Variants in SLC24A4 observed in about 807,000 individuals in gnomAD.
SLC24A4 encodes the protein sodium/potassium/calcium exchanger 4.
A neutral mutation model predicts 79.0 loss-of-function variants in SLC24A4; 53 were observed. The ratio of observed to expected loss-of-function variants is 0.67; its 90% CI spans 0.54 to 0.84. The LOEUF (loss-of-function observed/expected upper bound fraction) is 0.84, where lower values mean the gene tolerates loss of function less well. Ranked by LOEUF, SLC24A4 falls within the 40% of genes least tolerant of loss-of-function variation. The pLI is 0.00. For missense variants in SLC24A4, 731 were observed against 822.0 expected, an observed-to-expected ratio of 0.89 and a Z score of 1.35; for synonymous variants, 323 against 323.8, an observed-to-expected ratio of 1.00 and a Z score of 0.03.
intron 2 of SLC24A4, among the ~76,000 whole-genome samples, chr14:92,350,291 A>C (rs1328020580): frequency 3.3e-5 from 5 of 152,208 alleles, no homozygotes; most frequent in Admixed American, 1.3e-4. Flanking sequence ...TAGCCAGTCA[A>C]ATCCTATACA....
chr14:92,408,523 C>G, intron 2 of SLC24A4: 1 of 709,676 alleles, frequency 1.4e-6, no homozygotes. Context: ...GAAAACCTCC[C>G]GTGGATTGGA....
intron 2 of SLC24A4, among the ~76,000 whole-genome samples, chr14:92,350,879 T>C (rs1039107215): frequency 6.6e-6 from 1 of 152,144 alleles, no homozygotes; most frequent in Non-Finnish European, 1.5e-5. Context: ...GATTGGGTCA[T>C]GAAAGTGGGA....
At chr14:92,332,275 C>T (rs994558078) in intron 2 of SLC24A4, among the ~76,000 whole-genome samples, 6 of 152,068 alleles carry the variant, frequency 3.9e-5, no homozygotes, top group African/African-American at 1.4e-4. Flanking sequence ...GAGTGAGACT[C>T]CATCTCAAAA....
intron 2 of SLC24A4, among the ~76,000 whole-genome samples, chr14:92,329,590 A>G (rs1885351868): frequency 6.6e-6 from 1 of 151,988 alleles, no homozygotes; most frequent in East Asian, 1.9e-4. Flanking sequence ...TGGTGTGATT[A>G]TGTCTCATGG....
intron 7 of SLC24A4, 78 bp downstream of exon 7, chr14:92,443,552 CT>C (rs1373885723): frequency 1.0e-5 from 15 of 1,437,178 alleles, no homozygotes; most frequent in Non-Finnish European, 1.5e-5. Flanking sequence ...ATCTCTGCCC[CT>C]GGCACTGTGA....
intron 2 of SLC24A4, among the ~76,000 whole-genome samples, chr14:92,359,548 A>G (rs1198894602): frequency 6.6e-6 from 1 of 152,180 alleles, no homozygotes; most frequent in Non-Finnish European, 1.5e-5. Context: ...ACAGTGAGCC[A>G]AGATCGCACC....
Position 92,323,731 on chromosome 14 carries a change from G to C in SLC24A4, c.-100G>C, listed in dbSNP as rs999050956. On this transcript the variant is annotated 5_prime_UTR_variant, in exon 1 of 17. Transcript: ENST00000532405. This position sits in a 1 kb window ranked among gnomAD's most constrained non-coding sequence, Gnocchi z 4.9. ...CCGGAGCTCCTCGCCTCTGAGTCGC[G>C]CACCGCCTGCTCCAGCCCCAGCGCC... 2.2e-5 allele frequency: 32 copies of C among 1,424,168 alleles called. No individual in the cohort carries two copies. The East Asian group carries it at 7.9e-4, about 35-fold the overall frequency. The allele number at this position is 1,424,168 out of a possible 1,614,324, so 88.2% of individuals were successfully genotyped here.
intron 2 of SLC24A4, among the ~76,000 whole-genome samples, chr14:92,388,940 G>T (rs187703893): frequency 6.6e-6 from 1 of 152,052 alleles, no homozygotes; most frequent in Non-Finnish European, 1.5e-5. Flanking sequence ...CAGACTTTGC[G>T]TTGAGTTTGC....
At chr14:92,449,281 TACACACACACACACACAC>T (rs36228701) in intron 10 of SLC24A4, 65 bp downstream of exon 10, 219 of 869,752 alleles carry the variant, frequency 2.5e-4, no homozygotes, top group African/African-American at 4.6e-4. Flanking sequence ...CTCTTTTGTG[TACACACACACACACACAC>T]ACACACACAC....
intron 14 of SLC24A4, among the ~76,000 whole-genome samples, chr14:92,489,833 T>G (rs1300334268): frequency 2.0e-5 from 3 of 152,178 alleles, no homozygotes; most frequent in Non-Finnish European, 2.9e-5. Context: ...CTCAGGCACC[T>G]TCCTACCCTC....
Position 92,377,776 on chromosome 14 carries a change from C to A in SLC24A4, c.241+51798C>A, listed in dbSNP as rs146748754. On this transcript the variant is annotated intron_variant, in intron 2 of 16. Coordinates refer to ENST00000532405, the MANE Select transcript of SLC24A4 (RefSeq NM_153646.4). ...TGGGCAAAAGTGAGATGATGAGGGTCCAATGGCTGAAGCAACAGGGATGGA... is the reference window on the plus strand; with the variant it reads ...TGGGCAAAAGTGAGATGATGAGGGTACAATGGCTGAAGCAACAGGGATGGA... Among the ~76,000 whole-genome samples, 399 of 151,970 alleles carry A rather than the reference C, an allele frequency of 2.6e-3. 3 individuals carry two copies. The highest frequency in any genetic ancestry group is 9.3e-3 in the African/African-American group (385 of 41,428).
intron 11 of SLC24A4, among the ~76,000 whole-genome samples, chr14:92,454,721 C>T (rs1257289909): frequency 1.3e-5 from 2 of 152,162 alleles, no homozygotes; most frequent in Non-Finnish European, 2.9e-5. Context: ...TATGCAAGAA[C>T]GATATTTCAC....
chr14:92,408,789 T>C (rs1890544499), intron 2 of SLC24A4, among the ~76,000 whole-genome samples: 1 of 152,238 alleles, frequency 6.6e-6, no homozygotes, highest in Non-Finnish European at 1.5e-5. Flanking sequence ...TAATCTATAC[T>C]TGTTCCCCCA....
chr14:92,379,049 G>A (rs1888673227), intron 2 of SLC24A4, among the ~76,000 whole-genome samples: 1 of 152,136 alleles, frequency 6.6e-6, no homozygotes, highest in East Asian at 1.9e-4. Context: ...ACAACAGTGG[G>A]AGACCCTGCC....
chr14:92,334,871 A>G (rs1202591657), intron 2 of SLC24A4, among the ~76,000 whole-genome samples: 2 of 151,476 alleles, frequency 1.3e-5, no homozygotes, highest in African/African-American at 4.9e-5. Flanking sequence ...AGCTGCCATC[A>G]TCATCATCAT....
chr14:92,496,611 T>G lies in SLC24A4; in HGVS notation c.*2983T>G, dbSNP rs1375515539. The G allele has an allele frequency of 3.3e-5, 5 of 152,158 alleles. No homozygotes were observed. Among genetic ancestry groups the G allele is most frequent in the African/African-American group, 1.2e-4 (5 of 41,432 alleles). 9.4% of individuals were successfully genotyped at this position (152,158 alleles called of 1,614,324 possible). A position where few individuals can be genotyped will look rare whatever the true frequency, so the allele number is the denominator to read the frequency against. Reference sequence around the variant, plus strand: ...TTAGGGTGGAAGGTGTCCAGTATCTTGAAAACCTGGCCCTGGAGGAAGGTT... The same window carrying G: ...TTAGGGTGGAAGGTGTCCAGTATCTGGAAAACCTGGCCCTGGAGGAAGGTT... On this transcript the variant is annotated 3_prime_UTR_variant, in exon 17 of 17. Coordinates refer to ENST00000532405, the MANE Select transcript of SLC24A4 (RefSeq NM_153646.4).
At chr14:92,336,446 C>A (rs1885807668) in intron 2 of SLC24A4, among the ~76,000 whole-genome samples, 1 of 152,190 alleles carries the variant, frequency 6.6e-6, no homozygotes, top group African/African-American at 2.4e-5. Flanking sequence ...AAAAGCACTC[C>A]CTGCCCAGGG....
chr14:92,332,386 T>C (rs1885532837), intron 2 of SLC24A4, among the ~76,000 whole-genome samples: 1 of 152,102 alleles, frequency 6.6e-6, no homozygotes, highest in East Asian at 1.9e-4. Context: ...TATTGGGGAG[T>C]CAAAAGTTAT....
At chr14:92,478,957 G>A (rs1031087286) in intron 12 of SLC24A4, among the ~76,000 whole-genome samples, 1 of 151,918 alleles carries the variant, frequency 6.6e-6, no homozygotes. Flanking sequence ...TTTTTTGATG[G>A]CATTGTACAT....
Sources: allele counts gnomAD v4.1 joint callset (sites outside exome capture counted in the v4.1 genomes callset), GRCh38; gene constraint gnomAD v4.1.1; non-coding constraint Gnocchi (gnomAD v3.1); transcripts MANE v1.5; gene names NCBI Gene and HGNC (gene_info 2026-07-23, HGNC 2026-07-21).